The following MFAP3L variants were observed in gnomAD, a reference collection of about 807,000 sequenced individuals.
MFAP3L encodes microfibrillar-associated protein 3-like.
Under a neutral mutation model 20.0 loss-of-function variants are expected in MFAP3L, and 5 were observed. That is an observed-to-expected ratio of 0.25 (90% CI 0.13 to 0.53). The LOEUF is 0.53. Ranked by LOEUF, MFAP3L falls within the 20% of genes least tolerant of loss-of-function variation. The pLI is 0.96. For missense variants in MFAP3L, 409 were observed against 527.5 expected, an observed-to-expected ratio of 0.78 and a Z score of 2.20; for synonymous variants, 219 against 213.0, an observed-to-expected ratio of 1.03 and a Z score of -0.25.
chr4:170,011,602 T>G (rs1739383266), intron 1 of MFAP3L, among the ~76,000 whole-genome samples: 1 of 152,316 alleles, frequency 6.6e-6, no homozygotes, highest in Middle Eastern at 3.4e-3. Flanking sequence ...ATGCATTACC[T>G]GAGAAATGAC....
intron 1 of MFAP3L, among the ~76,000 whole-genome samples, chr4:170,011,107 A>G (rs747018637): frequency 1.4e-4 from 22 of 152,166 alleles, no homozygotes; most frequent in Non-Finnish European, 2.6e-4. Context: ...GCCGTGTAAG[A>G]CATGCCTTTG....
At chr4:170,006,566 T>C (rs1278680916) in intron 1 of MFAP3L, 2 of 152,252 alleles carry the variant, frequency 1.3e-5, no homozygotes, top group East Asian at 1.9e-4. Context: ...TATTGCTTCA[T>C]AGAGCGCAAA....
rs746951196 is a variant in MFAP3L at position 169,989,386 on chromosome 4, C to T, written c.*1992G>A. The T allele has an allele frequency of 1.3e-5, 2 of 152,218 alleles. No individual in the cohort carries two copies. The highest frequency in any genetic ancestry group is 2.9e-5 in the Non-Finnish European group (2 of 68,046). The allele number at this position is 152,218 out of a possible 1,614,324, so 9.4% of individuals were successfully genotyped here. On this transcript the variant is annotated 3_prime_UTR_variant, in exon 3 of 3. Coordinates refer to ENST00000361618, the MANE Select transcript of MFAP3L (RefSeq NM_021647.8). ...AAACTAATCAAGGCTAGGTTTAAAA[C>T]CAAGCCCACTGCTCTCAATTACAGA... is the stretch of plus-strand genomic sequence containing the variant.
intron 1 of MFAP3L, among the ~76,000 whole-genome samples, chr4:170,024,487 C>A (rs1385628482): frequency 2.6e-5 from 4 of 152,116 alleles, no homozygotes; most frequent in Non-Finnish European, 5.9e-5. Context: ...TACATGCAGG[C>A]AGTACTTCAT....
chr4:170,026,302 T>G lies in MFAP3L; in HGVS notation c.-202A>C. 1 of 983,500 alleles carries G rather than the reference T, an allele frequency of 1.0e-6. No homozygotes were observed. Among genetic ancestry groups the G allele is most frequent in the Non-Finnish European group, 1.2e-6 (1 of 829,006 alleles). 60.9% of individuals were successfully genotyped at this position (983,500 alleles called of 1,614,324 possible). On this transcript the variant is annotated 5_prime_UTR_variant, in exon 1 of 3. Coordinates refer to ENST00000361618, the MANE Select transcript of MFAP3L (RefSeq NM_021647.8). ...CCATGGCCAGCCCGACAGCGGCCGC[T>G]GCGCCGCACTCTGCGCCGGACGCCC...
Position 169,991,310 on chromosome 4 carries a change from G to C in MFAP3L, c.*68C>G. The C allele has an allele frequency of 6.7e-7, 1 of 1,498,186 alleles. No homozygotes were observed. The highest frequency in any genetic ancestry group is 9.1e-7 in the Non-Finnish European group (1 of 1,104,740). 92.8% of individuals were successfully genotyped at this position (1,498,186 alleles called of 1,614,324 possible). ...CCTGGTAAGGCTTAGCGGCAAGTGC[G>C]TACTACATCTGTATTACAAGGAGCA... is the stretch of plus-strand genomic sequence containing the variant. On this transcript the variant is annotated 3_prime_UTR_variant, in exon 3 of 3. Transcript: ENST00000361618. This position sits in a 1 kb window ranked among gnomAD's most constrained non-coding sequence, Gnocchi z 4.9.
chr4:169,988,744 C>T lies in MFAP3L; in HGVS notation c.*2634G>A, dbSNP rs1012945921. The T allele has an allele frequency of 2.0e-5, 3 of 152,154 alleles. No homozygotes were observed. The highest frequency in any genetic ancestry group is 7.2e-5 in the African/African-American group (3 of 41,408). The allele number at this position is 152,154 out of a possible 1,614,324, so 9.4% of individuals were successfully genotyped here. A position where few individuals can be genotyped will look rare whatever the true frequency, so the allele number is the denominator to read the frequency against. On this transcript the variant is annotated 3_prime_UTR_variant, in exon 3 of 3. Coordinates refer to ENST00000361618, the MANE Select transcript of MFAP3L (RefSeq NM_021647.8). The stretch of plus-strand genomic sequence containing the variant: ...AGAAATTCCCATTTTAAGTCAACCT[C>T]CCTTTATGTCAGTTGTTATCAAAAC...
At position 169,991,437 on chromosome 4, in the gene MFAP3L, T is replaced by C. The variant is rs1238112471; in HGVS notation, c.1171A>G (p.Thr391Ala). Residue 391 changes from threonine (T) to alanine (A), a missense_variant, in exon 3 of 3, where the codon ACA becomes GCA. By Grantham distance (58) the Thr-to-Ala change is moderately conservative (BLOSUM62 0). Around this residue, in one of 3 missense-constraint regions of MFAP3L, gnomAD observed 169 missense variants for 178.2 expected, o/e 0.95. Transcript: ENST00000361618. This position sits in a 1 kb window ranked among gnomAD's most constrained non-coding sequence, Gnocchi z 4.9. The part of the protein sequence containing the change: ...KVLPPAYLEA[T>A]EPAVTHDKNT... ...TTGTCATGTGTCACTGCTGGCTCTG[T>C]GGCTTCCAGGTAAGCTGGCGGCAGT... 1.2e-6 allele frequency: 2 copies of C among 1,614,078 alleles called. No homozygotes were observed. The highest frequency in any genetic ancestry group is 1.6e-4 in the Middle Eastern group (1 of 6,084).
rs1421695464 is a variant in MFAP3L, at chr4:169,990,354, C to T, written c.*1024G>A. On this transcript the variant is annotated 3_prime_UTR_variant, in exon 3 of 3. Transcript: ENST00000361618. ...AGCTATGCAGTTCATAAAAGTGGAC[C>T]TGGTTATATGTCATCCAACAGCATA... is the stretch of plus-strand genomic sequence containing the variant. The T allele has an allele frequency of 6.6e-6, 1 of 152,312 alleles. No individual in the cohort carries two copies. Among genetic ancestry groups the T allele is most frequent in the African/African-American group, 2.4e-5 (1 of 41,438 alleles). The allele number at this position is 152,312 out of a possible 1,614,324, so 9.4% of individuals were successfully genotyped here. A position where few individuals can be genotyped will look rare whatever the true frequency, so the allele number is the denominator to read the frequency against.
chr4:170,003,688 T>C (rs1738843260), intron 2 of MFAP3L: 1 of 985,440 alleles, frequency 1.0e-6, no homozygotes, highest in Non-Finnish European at 1.2e-6. Context: ...TTAGGGTCCA[T>C]GTAAAAGGGA....
At chr4:170,004,556 A>T (rs1307199256) in intron 2 of MFAP3L, among the ~76,000 whole-genome samples, 1 of 152,210 alleles carries the variant, frequency 6.6e-6, no homozygotes, top group Non-Finnish European at 1.5e-5. Flanking sequence ...ACAGCTGTGA[A>T]CCAGAAGTAG....
intron 2 of MFAP3L, among the ~76,000 whole-genome samples, chr4:170,004,373 G>A (rs761248070): frequency 1.2e-4 from 18 of 152,108 alleles, no homozygotes; most frequent in African/African-American, 3.1e-4. Flanking sequence ...GTAAAAGTTC[G>A]ACTCTCCTAG....
At chr4:170,025,231 G>A (rs1488882053) in intron 1 of MFAP3L, among the ~76,000 whole-genome samples, 1 of 152,186 alleles carries the variant, frequency 6.6e-6, no homozygotes, top group South Asian at 2.1e-4. Flanking sequence ...TTTCCATCTT[G>A]TATTTCATCT....
At position 170,005,723 on chromosome 4, in the gene MFAP3L, C is replaced by T. The variant is rs773585276; in HGVS notation, c.155G>A (p.Arg52Lys). The T allele has an allele frequency of 2.9e-5, 47 of 1,614,058 alleles. No homozygotes were observed. In the Admixed American group the frequency reaches 4.5e-4, roughly 15 times the overall value. The change falls in exon 2 of 3, where the codon AGA becomes AAA. Residue 52 changes from arginine to lysine, a missense_variant. Physicochemically the swap from Arg to Lys is conservative, Grantham distance 26. Around this residue, in one of 3 missense-constraint regions of MFAP3L, gnomAD observed 113 missense variants for 131.1 expected, o/e 0.86. Transcript: ENST00000361618. ...TTCCTTGACTATGATATGGTCAGTT[C>T]TGGCAATGATTACGGGCACAGAGCC... is the stretch of plus-strand genomic sequence containing the variant. ...VLGSVPVIIA[R>K]TDHIIVKEGN...
intron 2 of MFAP3L, among the ~76,000 whole-genome samples, chr4:169,996,706 G>A (rs1738196076): frequency 1.3e-5 from 2 of 152,180 alleles, no homozygotes; most frequent in South Asian, 2.1e-4. Context: ...GATGGAGGAA[G>A]GCAGGGCTGG....
intron 1 of MFAP3L, among the ~76,000 whole-genome samples, chr4:170,025,366 T>C (rs1581537392): frequency 6.6e-6 from 1 of 152,232 alleles, no homozygotes. Context: ...GTTTTTAACA[T>C]TAAATCGAAG....
chr4:170,001,542 GTTAC>G (rs1396867220), intron 2 of MFAP3L, among the ~76,000 whole-genome samples: 1 of 152,154 alleles, frequency 6.6e-6, no homozygotes, highest in Non-Finnish European at 1.5e-5. Flanking sequence ...TGAAATCCTC[GTTAC>G]TTATCTCAGA....
At chr4:169,996,078 T>C (rs373889424) in intron 2 of MFAP3L, among the ~76,000 whole-genome samples, 2 of 136,792 alleles carry the variant, frequency 1.5e-5, no homozygotes, top group South Asian at 4.5e-4. Flanking sequence ...TGGAAAGTGA[T>C]GCACACCTGA....
chr4:170,026,473 G>T, upstream of MFAP3L: 1 of 182,374 alleles, frequency 5.5e-6, no homozygotes, highest in South Asian at 1.7e-4. Context: ...CTCGCCGGGC[G>T]GCGCGGAGGC....
Sources: allele counts gnomAD v4.1 joint callset (sites outside exome capture counted in the v4.1 genomes callset), GRCh38; gene constraint gnomAD v4.1.1; regional missense constraint gnomAD v4.1.1; non-coding constraint Gnocchi (gnomAD v3.1); transcripts MANE v1.5; gene names NCBI Gene and HGNC (gene_info 2026-07-23, HGNC 2026-07-21).